Variants in NPFFR1 observed in about 807,000 individuals in gnomAD.
NPFFR1 encodes the protein neuropeptide FF receptor 1, also known as G-protein coupled receptor 147.
Under a neutral mutation model 12.7 loss-of-function variants are expected in NPFFR1, and 17 were observed. The observed-to-expected ratio is 1.34, with a 90% CI of 0.92 to 2.01. The LOEUF is 2.01. Among genes scored for constraint, NPFFR1 ranks in the 30% most tolerant of loss-of-function variants. The pLI, the probability that NPFFR1 is intolerant of heterozygous loss-of-function variation, is 0.00. For synonymous variants in NPFFR1, 296 were observed against 264.5 expected (o/e 1.12, Z -1.16); for missense variants, 604 against 606.5 (o/e 1.00, Z 0.04).
chr10:70,251,788 G>A lies in NPFFR1; in HGVS notation c.*3169C>T, dbSNP rs1840514766. ...CACAAGGCCCCGTCAGGGTCCAGGT[G>A]TCAGAACATAGGAATCCAGTGAGGA... On this transcript the variant is annotated 3_prime_UTR_variant, in exon 4 of 4. Transcript: ENST00000277942. 1 of 152,268 alleles carries A rather than the reference G, an allele frequency of 6.6e-6. No homozygotes were observed. The highest frequency in any genetic ancestry group is 6.5e-5 in the Admixed American group (1 of 15,284). 9.4% of individuals were successfully genotyped at this position (152,268 alleles called of 1,614,324 possible).
At chr10:70,279,640 T>A (rs991127727) in intron 1 of NPFFR1, among the ~76,000 whole-genome samples, 1 of 149,232 alleles carries the variant, frequency 6.7e-6, no homozygotes. Context: ...TTGTATTTTT[T>A]AATAGAGATG....
Position 70,255,579 on chromosome 10 carries a change from A to G in NPFFR1, c.671T>C (p.Ile224Thr). 6.4e-7 allele frequency: 1 copy of G among 1,552,182 alleles called. No individual in the cohort carries two copies. The highest frequency in any genetic ancestry group is 2.4e-5 in the East Asian group (1 of 40,964). Residue 224 changes from isoleucine (I) to threonine (T), a missense_variant, in exon 4 of 4, where the codon ATC becomes ACC. By Grantham distance (89) the Ile-to-Thr change is moderately conservative. Coordinates refer to ENST00000277942, the MANE Select transcript of NPFFR1 (RefSeq NM_022146.5). The surrounding 1 kb of genome is among the most constrained non-coding windows in gnomAD (Gnocchi z 4.2). ...GATGAGCGCCAGCGGCGCCAGGTAG[A>G]TGTGCGAGAAGAGCACAGTGGTGTA... The part of the protein sequence containing the change: ...RVYTTVLFSH[I>T]YLAPLALIVV...
intron 3 of NPFFR1, among the ~76,000 whole-genome samples, chr10:70,257,730 G>T (rs553332494): frequency 6.6e-6 from 1 of 152,320 alleles, no homozygotes; most frequent in South Asian, 2.1e-4. Context: ...CTGCCCCTGG[G>T]AACTGAATGT....
intron 1 of NPFFR1, among the ~76,000 whole-genome samples, chr10:70,280,137 A>C (rs1207136954): frequency 6.6e-6 from 1 of 152,226 alleles, no homozygotes; most frequent in Non-Finnish European, 1.5e-5. Context: ...GTTTATATAC[A>C]CTTAGTTGAT....
chr10:70,261,349 A>G (rs1840631489), intron 2 of NPFFR1, among the ~76,000 whole-genome samples: 1 of 152,154 alleles, frequency 6.6e-6, no homozygotes, highest in South Asian at 2.1e-4. Flanking sequence ...AGGCCTTCCC[A>G]TCCCTGCAGA....
Position 70,254,090 on chromosome 10 carries a change from T to C in NPFFR1, c.*867A>G, listed in dbSNP as rs1262376209. On this transcript the variant is annotated 3_prime_UTR_variant, in exon 4 of 4. Transcript: ENST00000277942. ...TGTGTTTCCCAATGTGGAAAATGCA[T>C]ACCGTGCTTCCCCTTCCTCGTTGTC... is the stretch of plus-strand genomic sequence containing the variant. The C allele has an allele frequency of 6.6e-6, 1 of 152,204 alleles. No homozygotes were observed. The highest frequency in any genetic ancestry group is 1.5e-5 in the Non-Finnish European group (1 of 68,042). The allele number at this position is 152,204 out of a possible 1,614,324, so 9.4% of individuals were successfully genotyped here.
At chr10:70,274,782 A>G (rs1840784860) in intron 1 of NPFFR1, among the ~76,000 whole-genome samples, 1 of 152,250 alleles carries the variant, frequency 6.6e-6, no homozygotes, top group African/African-American at 2.4e-5. Context: ...GCAGAACTTC[A>G]GACTGCTTAT....
intron 1 of NPFFR1, among the ~76,000 whole-genome samples, chr10:70,280,683 G>A (rs76482907): frequency 4.6e-5 from 7 of 152,022 alleles, no homozygotes; most frequent in South Asian, 4.2e-4. Flanking sequence ...TTTTGAAAAC[G>A]CTTTTTTGTT....
intron 3 of NPFFR1, among the ~76,000 whole-genome samples, chr10:70,257,104 C>CA (rs1840580428): frequency 6.6e-6 from 1 of 151,966 alleles, no homozygotes; most frequent in African/African-American, 2.4e-5. Context: ...CCATCTCTAC[C>CA]AAAAAAATTA....
intron 1 of NPFFR1, among the ~76,000 whole-genome samples, chr10:70,267,592 G>C (rs1256699660): frequency 6.6e-6 from 1 of 152,186 alleles, no homozygotes; most frequent in African/African-American, 2.4e-5. Flanking sequence ...TGTTTCCCCA[G>C]GCTTGCTTCG....
intron 1 of NPFFR1, among the ~76,000 whole-genome samples, chr10:70,272,203 G>GA (rs1226065654): frequency 1.1e-4 from 13 of 115,298 alleles, no homozygotes; most frequent in African/African-American, 3.8e-4. Flanking sequence ...AAGAAAGAAA[G>GA]AAAGAAAGGA....
Position 70,248,388 on chromosome 10 carries a change from T to C in NPFFR1, c.*6569A>G, listed in dbSNP as rs1201058073. On this transcript the variant is annotated 3_prime_UTR_variant, in exon 4 of 4. Transcript: ENST00000277942. ...TCCACAAAGGTAAGTGAAATAGACA[T>C]AGTTCCTGTCCTCATGGAGCTTATG... The C allele has an allele frequency of 2.0e-5, 3 of 151,612 alleles. No homozygotes were observed. Among genetic ancestry groups the C allele is most frequent in the African/African-American group, 4.8e-5 (2 of 41,280 alleles). 9.4% of individuals were successfully genotyped at this position (151,612 alleles called of 1,614,324 possible). A position where few individuals can be genotyped will look rare whatever the true frequency, so the allele number is the denominator to read the frequency against.
At chr10:70,269,879 C>A (rs1840730583) in intron 1 of NPFFR1, among the ~76,000 whole-genome samples, 1 of 152,204 alleles carries the variant, frequency 6.6e-6, no homozygotes, top group African/African-American at 2.4e-5. Context: ...GTGCCACTCT[C>A]CCCTTTGCCC....
intron 1 of NPFFR1, among the ~76,000 whole-genome samples, chr10:70,271,062 A>G (rs1840739551): frequency 6.6e-6 from 1 of 152,200 alleles, no homozygotes; most frequent in Admixed American, 6.5e-5. Context: ...ATTTTGAAGC[A>G]TCCTTCAGAT....
rs1840476218 is a variant in NPFFR1 at position 70,248,484 on chromosome 10, T to G, written c.*6473A>C. ...TGCCTGGCGTTTTTTTTTTGTTTTT[T>G]GTTTTTTTTTTTTTTTTTTGAGATG... On this transcript the variant is annotated 3_prime_UTR_variant, in exon 4 of 4. Coordinates refer to ENST00000277942, the MANE Select transcript of NPFFR1 (RefSeq NM_022146.5). The G allele has an allele frequency of 1.1e-5, 1 of 94,640 alleles. No individual in the cohort carries two copies. The highest frequency in any genetic ancestry group is 2.4e-5 in the Non-Finnish European group (1 of 41,210). The allele number at this position is 94,640 out of a possible 1,614,324, so 5.9% of individuals were successfully genotyped here.
intron 1 of NPFFR1, among the ~76,000 whole-genome samples, chr10:70,273,239 G>T (rs977255943): frequency 5.3e-5 from 8 of 151,986 alleles, no homozygotes. Flanking sequence ...TCAGGCACTG[G>T]TATTTTTCAA....
rs1191612984 is a variant in NPFFR1 at position 70,254,765 on chromosome 10, C to T, written c.*192G>A. On this transcript the variant is annotated 3_prime_UTR_variant, in exon 4 of 4. Transcript: ENST00000277942. ...CACACAGGGCAAGTTGGTTCCTTCC[C>T]GTCCCCCGCATTTGCCTCTACTGAG... 6 of 573,622 alleles carry T rather than the reference C, an allele frequency of 1.0e-5. No homozygotes were observed. The highest frequency in any genetic ancestry group is 3.4e-5 in the East Asian group (1 of 29,064). The allele number at this position is 573,622 out of a possible 1,614,324, so 35.5% of individuals were successfully genotyped here. A position where few individuals can be genotyped will look rare whatever the true frequency, so the allele number is the denominator to read the frequency against.
intron 3 of NPFFR1, among the ~76,000 whole-genome samples, chr10:70,260,424 G>A (rs568546238): frequency 1.3e-5 from 2 of 152,288 alleles, no homozygotes; most frequent in East Asian, 3.9e-4. Flanking sequence ...CTACCTTCAG[G>A]CCTTCCAGAA....
At chr10:70,261,008 T>A (rs768710098) in intron 2 of NPFFR1, among the ~76,000 whole-genome samples, 3 of 152,086 alleles carry the variant, frequency 2.0e-5, no homozygotes, top group Non-Finnish European at 4.4e-5. Flanking sequence ...CATAATCAAG[T>A]CCTGCAGTCA....
Sources: allele counts gnomAD v4.1 joint callset (sites outside exome capture counted in the v4.1 genomes callset), GRCh38; gene constraint gnomAD v4.1.1; non-coding constraint Gnocchi (gnomAD v3.1); transcripts MANE v1.5; gene names NCBI Gene and HGNC (gene_info 2026-07-23, HGNC 2026-07-21).